The following PKM variants were observed in gnomAD, a reference collection of about 807,000 sequenced individuals.
PKM encodes pyruvate kinase PKM.
PKM carries 18 observed loss-of-function variants against 49.8 expected under a neutral mutation model. The ratio of observed to expected loss-of-function variants is 0.36; its 90% confidence interval spans 0.25 to 0.54. The LOEUF (loss-of-function observed/expected upper bound fraction) is 0.54. Among genes scored for constraint, PKM ranks in the 20% least tolerant of loss-of-function variants. PKM has a pLI of 0.89. For synonymous variants in PKM, 239 were observed against 261.8 expected, an observed-to-expected ratio of 0.91 and a Z score of 0.84; for missense variants, 508 against 713.8, an observed-to-expected ratio of 0.71 and a Z score of 3.28.
At chr15:72,207,061 T>C in intron 7 of PKM, 66 bp downstream of exon 7, 3 of 1,589,398 alleles carry the variant, frequency 1.9e-6, no homozygotes, top group South Asian at 1.1e-5. Flanking sequence ...TCAGACAGCC[T>C]CCAGAGCTTT....
In PKM at chr15:72,202,078, T is replaced by C. The variant is rs1482285302; in HGVS notation, c.1307+376A>G. 2 of 287,452 alleles carry C rather than the reference T, an allele frequency of 7.0e-6. No individual in the cohort carries two copies. Among genetic ancestry groups the C allele is most frequent in the African/African-American group, 4.4e-5 (2 of 45,452 alleles). 17.8% of individuals were successfully genotyped at this position (287,452 alleles called of 1,614,324 possible). A position where few individuals can be genotyped will look rare whatever the true frequency, so the allele number is the denominator to read the frequency against. ...TAAACAGCATTTAAATAAATTCATT[T>C]CCCAACTGAAATTTTTAAAGAGCAC... On this transcript the variant is annotated intron_variant, in intron 9 of 10. Transcript: ENST00000335181. The surrounding 1 kb of genome is among the most constrained non-coding windows in gnomAD (Gnocchi z 4.5).
Position 72,210,415 on chromosome 15 carries a change from G to A in PKM, c.310C>T (p.Leu104Phe), listed in dbSNP as rs746464820. 1.5e-5 allele frequency: 24 copies of A among 1,614,102 alleles called. No homozygotes were observed. The highest frequency in any genetic ancestry group is 1.9e-5 in the Non-Finnish European group (22 of 1,180,034). ...ATESFASDPI[L>F]YRPVAVALDT... ...AGAGCCACAGCAACGGGCCGGTAGA[G>A]GATGGGGTCAGAAGCAAAGCTTTCC... is the stretch of plus-strand genomic sequence containing the variant. Residue 104 changes from leucine to phenylalanine, a missense_variant, in exon 4 of 11, where the codon CTC (leucine) becomes TTC (phenylalanine). Leu to Phe is a conservative substitution (Grantham distance 22). Coordinates refer to ENST00000335181, the MANE Select transcript of PKM (RefSeq NM_002654.6).
intron 1 of PKM, among the ~76,000 whole-genome samples, chr15:72,230,195 C>T (rs2082813008): frequency 6.6e-6 from 1 of 152,214 alleles, no homozygotes; most frequent in Admixed American, 6.5e-5. Context: ...GGCCGCCCAT[C>T]TAATCCCGGC....
intron 1 of PKM, among the ~76,000 whole-genome samples, chr15:72,230,057 G>A (rs536085641): frequency 1.3e-5 from 2 of 152,214 alleles, no homozygotes; most frequent in Non-Finnish European, 2.9e-5. Flanking sequence ...GCCCGGTGAA[G>A]CGGGGTGGGC....
intron 1 of PKM, among the ~76,000 whole-genome samples, chr15:72,221,521 A>G (rs933943832): frequency 6.6e-6 from 1 of 152,098 alleles, no homozygotes; most frequent in Non-Finnish European, 1.5e-5. Flanking sequence ...GGGAGGATAT[A>G]TACTGAAATT....
chr15:72,200,660 G>A lies in PKM; in HGVS notation c.1308-5C>T. On this transcript the variant is annotated splice_region_variant and splice_polypyrimidine_tract_variant and intron_variant, in intron 9 of 10. Coordinates refer to ENST00000335181, the MANE Select transcript of PKM (RefSeq NM_002654.6). The surrounding 1 kb of genome is among the most constrained non-coding windows in gnomAD (Gnocchi z 4.6). ...CTGGCCACCTGGTGAGCAGACCTGA[G>A]ATGGGATGGGGGACATACAGAAGAG... 1 of 1,610,822 alleles carries A rather than the reference G, an allele frequency of 6.2e-7. No homozygotes were observed. Among genetic ancestry groups the A allele is most frequent in the South Asian group, 1.1e-5 (1 of 91,012 alleles).
rs200698142 is a variant in PKM, at chr15:72,210,517, A to T, written c.247-39T>A. ...AGGAAGATGACAAGCGTGCTCCCACACTAGAATCCAGCTCCAATTCCCCTG... is the reference window on the plus strand; with the variant it reads ...AGGAAGATGACAAGCGTGCTCCCACTCTAGAATCCAGCTCCAATTCCCCTG... On this transcript the variant is annotated intron_variant, in intron 3 of 10. Coordinates refer to ENST00000335181, the MANE Select transcript of PKM (RefSeq NM_002654.6). The T allele has an allele frequency of 3.7e-6, 6 of 1,613,100 alleles. No individual in the cohort carries two copies. The East Asian group carries it at 1.3e-4, about 36-fold the overall frequency.
At chr15:72,230,376 G>T (rs1024150020) in intron 1 of PKM, among the ~76,000 whole-genome samples, 1 of 152,198 alleles carries the variant, frequency 6.6e-6, no homozygotes, top group Admixed American at 6.5e-5. Context: ...CCTCAGCACC[G>T]CCCGAGCCTG....
upstream of PKM, chr15:72,231,312 G>C (rs966038269): frequency 3.2e-5 from 5 of 156,970 alleles, no homozygotes; most frequent in African/African-American, 1.2e-4. Flanking sequence ...GCGTCCCCGC[G>C]GGCGCAGTCA....
At chr15:72,218,677 G>A (rs796978431) in intron 2 of PKM, among the ~76,000 whole-genome samples, 7 of 149,932 alleles carry the variant, frequency 4.7e-5, no homozygotes, top group African/African-American at 1.2e-4. Flanking sequence ...ATCCTCCCAC[G>A]TTGGCCTCCC....
intron 1 of PKM, among the ~76,000 whole-genome samples, chr15:72,223,167 C>T (rs2082571845): frequency 6.6e-6 from 1 of 151,956 alleles, no homozygotes; most frequent in African/African-American, 2.4e-5. Context: ...AGGCACGAAC[C>T]ACACCCAACT....
In PKM at chr15:72,202,378, A is replaced by G. The variant is rs1405942529; in HGVS notation, c.1307+76T>C. Reference sequence around the variant, plus strand: ...GCTCAGTGCCACCTGAGCATTGTTCAATGGACTGCTCCCAGGACCCCCAAG... The same window carrying G: ...GCTCAGTGCCACCTGAGCATTGTTCGATGGACTGCTCCCAGGACCCCCAAG... On this transcript the variant is annotated intron_variant, in intron 9 of 10. Coordinates refer to ENST00000335181, the MANE Select transcript of PKM (RefSeq NM_002654.6). This position sits in a 1 kb window ranked among gnomAD's most constrained non-coding sequence, Gnocchi z 4.5. 2 of 1,442,084 alleles carry G rather than the reference A, an allele frequency of 1.4e-6. No individual in the cohort carries two copies. The highest frequency in any genetic ancestry group is 4.8e-5 in the East Asian group (2 of 41,786). The allele number at this position is 1,442,084 out of a possible 1,614,324, so 89.3% of individuals were successfully genotyped here. A position where few individuals can be genotyped will look rare whatever the true frequency, so the allele number is the denominator to read the frequency against.
intron 3 of PKM, among the ~76,000 whole-genome samples, chr15:72,215,593 C>T (rs1468100028): frequency 6.6e-6 from 1 of 152,026 alleles, no homozygotes; most frequent in Non-Finnish European, 1.5e-5. Flanking sequence ...CTCCAAAAGC[C>T]TCTTAAAGTT....
At chr15:72,208,508 G>T in intron 6 of PKM, 113 bp downstream of exon 6, 1 of 1,079,536 alleles carries the variant, frequency 9.3e-7, no homozygotes, top group Non-Finnish European at 1.4e-6. Flanking sequence ...TTTGGAACTG[G>T]CTTGGGAGTC....
rs1312497521 is a variant in PKM, at chr15:72,202,156, A to G, written c.1307+298T>C. The G allele has an allele frequency of 1.6e-5, 7 of 446,150 alleles. No homozygotes were observed. In the East Asian group the frequency reaches 3.0e-4, roughly 19 times the overall value. 27.6% of individuals were successfully genotyped at this position (446,150 alleles called of 1,614,324 possible). A position where few individuals can be genotyped will look rare whatever the true frequency, so the allele number is the denominator to read the frequency against. ...TATCTTTTACAATTTTAGAGGACTA[A>G]ATTTTCAATATCAAATAACCATTTG... is the stretch of plus-strand genomic sequence containing the variant. On this transcript the variant is annotated intron_variant, in intron 9 of 10. Coordinates refer to ENST00000335181, the MANE Select transcript of PKM (RefSeq NM_002654.6). This position sits in a 1 kb window ranked among gnomAD's most constrained non-coding sequence, Gnocchi z 4.5.
intron 2 of PKM, among the ~76,000 whole-genome samples, chr15:72,218,546 T>C (rs1303837995): frequency 6.6e-6 from 1 of 151,846 alleles, no homozygotes; most frequent in African/African-American, 2.4e-5. Flanking sequence ...CAGCCTCCCA[T>C]GTAGCCAGAA....
At chr15:72,207,086 C>G (rs767455770) in intron 7 of PKM, 41 bp downstream of exon 7, 3 of 1,609,272 alleles carry the variant, frequency 1.9e-6, no homozygotes, top group Non-Finnish European at 2.5e-6. Flanking sequence ...TACAAACATG[C>G]GAGTGTGCAC....
chr15:72,222,227 A>G (rs982871257), intron 1 of PKM, among the ~76,000 whole-genome samples: 1 of 152,234 alleles, frequency 6.6e-6, no homozygotes, highest in South Asian at 2.1e-4. Flanking sequence ...ACGCATTAGC[A>G]GTCAAAAAAA....
At position 72,217,469 on chromosome 15, in the gene PKM, C is replaced by T; in HGVS notation, c.186G>A (p.Lys62=). 1.9e-6 allele frequency: 3 copies of T among 1,612,150 alleles called. No individual in the cohort carries two copies. The highest frequency in any genetic ancestry group is 2.5e-6 in the Non-Finnish European group (3 of 1,178,160). The part of the protein sequence containing the change: ...GPASRSVETL[K]EMIKSGMNVA... ...CATTCATTCCAGACTTAATCATCTC[C>T]TTCAACGTCTCCACTGATCGGGAAG... Residue 62 remains lysine (K), a synonymous_variant, in exon 3 of 11, where the codon AAG becomes AAA. Transcript: ENST00000335181.
Sources: allele counts gnomAD v4.1 joint callset (sites outside exome capture counted in the v4.1 genomes callset), GRCh38; gene constraint gnomAD v4.1.1; non-coding constraint Gnocchi (gnomAD v3.1); transcripts MANE v1.5; gene names NCBI Gene and HGNC (gene_info 2026-07-23, HGNC 2026-07-21).